ARHGEF10: variants seen among roughly 807,000 people sequenced by gnomAD.
ARHGEF10 encodes the protein Rho guanine nucleotide exchange factor 10.
Under a neutral mutation model 147.4 loss-of-function variants are expected in ARHGEF10, and 140 were observed. The observed-to-expected ratio is 0.95, with a 90% CI of 0.83 to 1.09. ARHGEF10 has a LOEUF of 1.09. ARHGEF10 is among the 50% of genes least tolerant of loss of function. ARHGEF10 has a pLI of 0.00. For missense variants in ARHGEF10, 2,222 were observed against 1,752.7 expected (o/e 1.27, Z -4.78); for synonymous variants, 902 against 695.8 (o/e 1.30, Z -4.67).
chr8:1,933,821 C>A lies in ARHGEF10; in HGVS notation c.3101C>A (p.Pro1034His). 1 of 1,614,118 alleles carries A rather than the reference C, an allele frequency of 6.2e-7. No individual in the cohort carries two copies. Among genetic ancestry groups the A allele is most frequent in the African/African-American group, 1.3e-5 (1 of 75,008 alleles). The change falls in exon 26 of 29, where the codon CCT becomes CAT. Residue 1034 changes from proline (P) to histidine (H), a missense_variant. Pro to His is a moderately conservative substitution (Grantham distance 77, BLOSUM62 -2). Coordinates refer to ENST00000349830, the MANE Select transcript of ARHGEF10 (RefSeq NM_014629.4). ...RAPDGSWDSEPQKVIKLGVLP... is the reference protein window; with the variant it reads ...RAPDGSWDSEHQKVIKLGVLP... ...TAAGATGGATCCTGGGATTCAGAACCTCAAAAAGTGATCAAGTTAGGCGTC... is the reference window on the plus strand; with the variant it reads ...TAAGATGGATCCTGGGATTCAGAACATCAAAAAGTGATCAAGTTAGGCGTC...
At chr8:1,942,776 CTCACG>C (rs1814214039) in intron 26 of ARHGEF10, among the ~76,000 whole-genome samples, 1 of 152,176 alleles carries the variant, frequency 6.6e-6, no homozygotes, top group African/African-American at 2.4e-5. Flanking sequence ...GAAGCCCCAA[CTCACG>C]TCACGTGGAT....
chr8:1,934,280 G>A (rs566582899), intron 26 of ARHGEF10, among the ~76,000 whole-genome samples: 1 of 150,466 alleles, frequency 6.6e-6, no homozygotes, highest in African/African-American at 2.4e-5. Flanking sequence ...CTTGAGCCCA[G>A]GAGGTCCAGG....
chr8:1,865,895 C>G (rs1480461208), intron 5 of ARHGEF10, among the ~76,000 whole-genome samples: 1 of 152,178 alleles, frequency 6.6e-6, no homozygotes, highest in Admixed American at 6.5e-5. Flanking sequence ...ATCCCTGGTG[C>G]ATCTCATTTG....
At chr8:1,900,124 CA>C (rs747226802) in intron 15 of ARHGEF10, among the ~76,000 whole-genome samples, 3 of 152,174 alleles carry the variant, frequency 2.0e-5, no homozygotes, top group Non-Finnish European at 2.9e-5. Context: ...ATATAATTTT[CA>C]AACAAGCTTG....
chr8:1,933,831 G>T lies in ARHGEF10; in HGVS notation c.3111G>T (p.Val1037=), dbSNP rs373410415. Residue 1037 remains valine, a synonymous_variant, in exon 26 of 29, where the codon GTG becomes GTT. Coordinates refer to ENST00000349830, the MANE Select transcript of ARHGEF10 (RefSeq NM_014629.4). ...CCTGGGATTCAGAACCTCAAAAAGT[G>T]ATCAAGTTAGGCGTCCTACCAGTTA... ...DGSWDSEPQK[V]IKLGVLPVRS... 1.2e-6 allele frequency: 2 copies of T among 1,614,106 alleles called. No individual in the cohort carries two copies. Among genetic ancestry groups the T allele is most frequent in the African/African-American group, 2.7e-5 (2 of 74,940 alleles).
Position 1,937,269 on chromosome 8 carries a change from C to T in ARHGEF10, c.3222+3327C>T, listed in dbSNP as rs772717888. On this transcript the variant is annotated intron_variant, in intron 26 of 28. Transcript: ENST00000349830. This position sits in a 1 kb window ranked among gnomAD's most constrained non-coding sequence, Gnocchi z 4.9. The stretch of plus-strand genomic sequence containing the variant: ...GGAGCCAGGGATTAGCTAGTGCGGC[C>T]ATGCAGGGTAGCCCCGTGGATGCGG... Among the ~76,000 whole-genome samples, 1 of 152,194 alleles carries T rather than the reference C, an allele frequency of 6.6e-6. No homozygotes were observed. Among genetic ancestry groups the T allele is most frequent in the Non-Finnish European group, 1.5e-5 (1 of 68,044 alleles).
chr8:1,862,828 G>A (rs964826132), intron 4 of ARHGEF10, among the ~76,000 whole-genome samples: 1 of 148,650 alleles, frequency 6.7e-6, no homozygotes, highest in African/African-American at 2.5e-5. Context: ...GCTCAGGCTG[G>A]AGTACAGTGG....
At chr8:1,840,176 G>A (rs1460469803) in intron 1 of ARHGEF10, among the ~76,000 whole-genome samples, 16 of 136,300 alleles carry the variant, frequency 1.2e-4, no homozygotes, top group Non-Finnish European at 4.6e-5. Flanking sequence ...CAAGCTGTCC[G>A]ATATGGGGAC....
Position 1,893,652 on chromosome 8 carries a change from T to G in ARHGEF10, c.1260+6T>G. 1 of 1,598,788 alleles carries G rather than the reference T, an allele frequency of 6.3e-7. No individual in the cohort carries two copies. The highest frequency in any genetic ancestry group is 1.3e-5 in the African/African-American group (1 of 74,720). On this transcript the variant is annotated splice_donor_region_variant and intron_variant, in intron 12 of 28. Transcript: ENST00000349830. ...CTCTTAAGAGGATTTTGGAGGTACT[T>G]AAGTGTCGTGTTACATAATACATAC...
intron 9 of ARHGEF10, among the ~76,000 whole-genome samples, chr8:1,880,801 GT>G (rs1485606305): frequency 4.6e-5 from 7 of 152,174 alleles, no homozygotes; most frequent in Admixed American, 2.0e-4. Context: ...CTGGTATTTT[GT>G]GATCATTCAT....
chr8:1,854,777 C>G (rs1274034736), intron 2 of ARHGEF10, among the ~76,000 whole-genome samples: 2 of 152,236 alleles, frequency 1.3e-5, no homozygotes, highest in Admixed American at 6.5e-5. Context: ...GTCATTCTCT[C>G]ATTCATTCGC....
rs574583644 is a variant in ARHGEF10 at position 1,869,115 on chromosome 8, C to T, written c.623-79C>T. The T allele has an allele frequency of 5.4e-5, 68 of 1,267,642 alleles. No homozygotes were observed. The East Asian group carries it at 8.8e-4, about 16-fold the overall frequency. The allele number at this position is 1,267,642 out of a possible 1,614,324, so 78.5% of individuals were successfully genotyped here. Reference sequence around the variant, plus strand: ...TTTTGAATAATCATGACATCATCGGCGACTGTGGCCCTGTAAAATTTAAAT... The same window carrying T: ...TTTTGAATAATCATGACATCATCGGTGACTGTGGCCCTGTAAAATTTAAAT... On this transcript the variant is annotated intron_variant, in intron 6 of 28. Coordinates refer to ENST00000349830, the MANE Select transcript of ARHGEF10 (RefSeq NM_014629.4).
At chr8:1,890,082 G>A (rs558198138) in intron 11 of ARHGEF10, among the ~76,000 whole-genome samples, 32 of 150,258 alleles carry the variant, frequency 2.1e-4, no homozygotes, top group African/African-American at 6.9e-4. Flanking sequence ...AGTGTGGTGT[G>A]AGGGGTCTGT....
At position 1,857,654 on chromosome 8, in the gene ARHGEF10, G is replaced by C. The variant is rs1438139249; in HGVS notation, c.38-306G>C. On this transcript the variant is annotated intron_variant, in intron 2 of 28. Transcript: ENST00000349830. ...AGGCTGGTCTCAAGCTTCTTACCTT[G>C]TGATCTGCCCACCTTGGCCTCCCAA... Among the ~76,000 whole-genome samples the C allele has an allele frequency of 1.3e-5, 2 of 151,886 alleles. 1 individual carries two copies. Among genetic ancestry groups the C allele is most frequent in the South Asian group, 4.2e-4 (2 of 4,802 alleles).
chr8:1,872,137 AATC>A lies in ARHGEF10; in HGVS notation c.679+2890_679+2892del, dbSNP rs1318340812. ...TGTAACTGCAGTAGAAATTTGTAAA[AATC>A]ATAAGAGGATGCTATAAATAACTTT... is the stretch of plus-strand genomic sequence containing the variant. On this transcript the variant is annotated intron_variant, in intron 7 of 28. Coordinates refer to ENST00000349830, the MANE Select transcript of ARHGEF10 (RefSeq NM_014629.4). 1.1e-4 allele frequency among the ~76,000 whole-genome samples: 16 copies of A among 152,338 alleles called. No homozygotes were observed. The East Asian group carries it at 3.1e-3, about 29-fold the overall frequency.
At chr8:1,855,699 C>T (rs1438908717) in intron 2 of ARHGEF10, among the ~76,000 whole-genome samples, 8 of 152,060 alleles carry the variant, frequency 5.3e-5, no homozygotes, top group Admixed American at 3.9e-4. Flanking sequence ...AATACATAAA[C>T]ATTTTCACTG....
At chr8:1,926,108 C>A (rs569378370) in intron 22 of ARHGEF10, among the ~76,000 whole-genome samples, 30 of 152,298 alleles carry the variant, frequency 2.0e-4, no homozygotes, top group African/African-American at 7.2e-4. Flanking sequence ...TCTGAAGCGC[C>A]CTGAGCTGCC....
intron 11 of ARHGEF10, among the ~76,000 whole-genome samples, chr8:1,892,339 C>G (rs1585425656): frequency 7.6e-6 from 1 of 131,324 alleles, no homozygotes; most frequent in Non-Finnish European, 1.6e-5. Flanking sequence ...TTAATCCCAG[C>G]GATACCTGTA....
chr8:1,957,230 C>T lies in ARHGEF10; in HGVS notation c.4002C>T (p.Val1334=). 1 of 1,611,616 alleles carries T rather than the reference C, an allele frequency of 6.2e-7. No individual in the cohort carries two copies. The highest frequency in any genetic ancestry group is 8.5e-7 in the Non-Finnish European group (1 of 1,179,864). ...QPHQEELAPT[V]MVWQIPLLNI ...ACCAGGAAGAGCTGGCGCCGACCGT[C>T]ATGGTCTGGCAGATCCCTCTGCTGA... The change falls in exon 29 of 29, where the codon GTC becomes GTT. Residue 1334 remains valine, a synonymous_variant. Transcript: ENST00000349830.
Sources: gnomAD v4.1 joint callset for allele counts (sites outside exome capture counted in the v4.1 genomes callset) on GRCh38, gnomAD v4.1.1 for gene constraint, Gnocchi (gnomAD v3.1) non-coding constraint, MANE v1.5 for transcripts, NCBI Gene and HGNC (gene_info 2026-07-23, HGNC 2026-07-21) for gene names.